The following PTPRD variants were observed in gnomAD, a reference collection of about 807,000 sequenced individuals.
PTPRD encodes the protein receptor-type tyrosine-protein phosphatase delta.
Under a neutral mutation model 214.5 loss-of-function variants are expected in PTPRD, and 34 were observed. The ratio of observed to expected loss-of-function variants is 0.16; its 90% CI spans 0.12 to 0.21. The LOEUF is 0.21. Ranked by LOEUF, PTPRD falls within the 10% of genes least tolerant of loss-of-function variation. PTPRD has a pLI of 1.00. For missense variants in PTPRD, 2,545 were observed against 2,398.7 expected (o/e 1.06, Z -1.27); for synonymous variants, 1,128 against 845.7 (o/e 1.33, Z -5.79).
intron 5 of PTPRD, among the ~76,000 whole-genome samples, chr9:9,932,014 G>T (rs142374007): frequency 3.0e-4 from 45 of 152,024 alleles, no homozygotes; most frequent in Admixed American, 1.3e-3. Context: ...GCAGCTGAGG[G>T]TCCTGTCTGT....
chr9:10,130,331 T>G (rs1315581524), intron 3 of PTPRD, among the ~76,000 whole-genome samples: 2 of 152,172 alleles, frequency 1.3e-5, no homozygotes, highest in Admixed American at 1.3e-4. Context: ...TACCATTTTT[T>G]TCTGTTCCTT....
At chr9:10,560,718 C>T (rs910318424) in intron 2 of PTPRD, among the ~76,000 whole-genome samples, 10 of 152,124 alleles carry the variant, frequency 6.6e-5, no homozygotes, top group East Asian at 1.9e-4. Flanking sequence ...CTGTACCAGT[C>T]GCAGTAAACC....
chr9:9,701,887 G>A (rs1442081738), intron 7 of PTPRD, among the ~76,000 whole-genome samples: 1 of 152,148 alleles, frequency 6.6e-6, no homozygotes, highest in South Asian at 2.1e-4. Context: ...GGGAGGCCGA[G>A]GCGGGTGGAC....
At position 10,242,875 on chromosome 9, in the gene PTPRD, C is replaced by T. The variant is rs572277030; in HGVS notation, c.-545+98088G>A. On this transcript the variant is annotated intron_variant, in intron 3 of 45. Coordinates refer to ENST00000381196, the MANE Select transcript of PTPRD (RefSeq NM_002839.4). ...AAATTTGATGTAACGTATCATTGTTCCAGCAGAAAATGAAAATTGCTGGAG... is the reference window on the plus strand; with the variant it reads ...AAATTTGATGTAACGTATCATTGTTTCAGCAGAAAATGAAAATTGCTGGAG... Among the ~76,000 whole-genome samples, 357 of 150,186 alleles carry T rather than the reference C, an allele frequency of 2.4e-3. 1 individual carries two copies. The highest frequency in any genetic ancestry group is 8.2e-3 in the African/African-American group (337 of 40,868).
intron 9 of PTPRD, among the ~76,000 whole-genome samples, chr9:9,348,306 G>A (rs1446328543): frequency 1.3e-5 from 2 of 152,056 alleles, no homozygotes; most frequent in African/African-American, 4.8e-5. Flanking sequence ...TGAAAGTTGT[G>A]ACTAGAAAAT....
intron 8 of PTPRD, among the ~76,000 whole-genome samples, chr9:9,545,086 C>G (rs1026319768): frequency 2.6e-5 from 4 of 151,562 alleles, no homozygotes; most frequent in Admixed American, 6.6e-5. Flanking sequence ...GCCCCCATTA[C>G]CAACATCCCC....
chr9:8,874,227 G>A (rs144011375), intron 11 of PTPRD, among the ~76,000 whole-genome samples: 4 of 152,268 alleles, frequency 2.6e-5, no homozygotes, highest in South Asian at 4.1e-4. Context: ...CCCATAACTT[G>A]CATGGTGACT....
intron 3 of PTPRD, among the ~76,000 whole-genome samples, chr9:10,129,791 T>C (rs1468950602): frequency 1.3e-5 from 2 of 152,104 alleles, no homozygotes; most frequent in Non-Finnish European, 2.9e-5. Context: ...ATTTGCTAAA[T>C]TGGCTGACTT....
rs1016555645 is a variant in PTPRD, at chr9:8,567,417, T to G, written c.353-38638A>C. Among the ~76,000 whole-genome samples, 31 of 152,292 alleles carry G rather than the reference T, an allele frequency of 2.0e-4. 1 individual carries two copies. The highest frequency in any genetic ancestry group is 2.0e-3 in the Admixed American group (31 of 15,288). ...TGAGTAAGGTGTTGTTAACGTGTCC[T>G]ACTCACCTGCTTCCATAGTACCATG... On this transcript the variant is annotated intron_variant, in intron 14 of 45. Coordinates refer to ENST00000381196, the MANE Select transcript of PTPRD (RefSeq NM_002839.4).
At chr9:10,121,277 G>A (rs1489663123) in intron 3 of PTPRD, among the ~76,000 whole-genome samples, 1 of 152,036 alleles carries the variant, frequency 6.6e-6, no homozygotes, top group Non-Finnish European at 1.5e-5. Context: ...TGGTAGCATG[G>A]ATAATCCTAA....
intron 3 of PTPRD, among the ~76,000 whole-genome samples, chr9:10,312,062 G>A (rs1237029073): frequency 6.6e-6 from 1 of 151,882 alleles, no homozygotes; most frequent in Non-Finnish European, 1.5e-5. Context: ...TCACCTTTGA[G>A]AGTTGTGGCT....
intron 11 of PTPRD, among the ~76,000 whole-genome samples, chr9:8,909,599 C>G (rs1417813054): frequency 6.6e-6 from 1 of 152,032 alleles, no homozygotes; most frequent in South Asian, 2.1e-4. Flanking sequence ...TTTCATCAAC[C>G]TGAAACAGGA....
intron 7 of PTPRD, among the ~76,000 whole-genome samples, chr9:9,711,666 G>C (rs535453279): frequency 6.6e-6 from 1 of 152,238 alleles, no homozygotes; most frequent in Non-Finnish European, 1.5e-5. Context: ...AAGGTCAACA[G>C]ACACTTTTGA....
At chr9:9,182,056 G>T (rs946246153) in intron 10 of PTPRD, among the ~76,000 whole-genome samples, 4 of 152,024 alleles carry the variant, frequency 2.6e-5, no homozygotes, top group African/African-American at 4.8e-5. Context: ...TTGACTGGGG[G>T]TATCCAAGAA....
chr9:9,061,077 C>G (rs1030277939), intron 10 of PTPRD, among the ~76,000 whole-genome samples: 18 of 152,108 alleles, frequency 1.2e-4, no homozygotes, highest in African/African-American at 3.6e-4. Context: ...GCCTTTAGGA[C>G]AGCGGTTACT....
At chr9:10,504,553 A>G (rs555035478) in intron 2 of PTPRD, among the ~76,000 whole-genome samples, 70 of 152,302 alleles carry the variant, frequency 4.6e-4, no homozygotes, top group African/African-American at 1.7e-3. Flanking sequence ...ATATCAATTC[A>G]GAGTGTAACA....
At chr9:9,219,005 G>T (rs1275751303) in intron 9 of PTPRD, among the ~76,000 whole-genome samples, 1 of 152,108 alleles carries the variant, frequency 6.6e-6, no homozygotes, top group Non-Finnish European at 1.5e-5. Context: ...ATACTACAAG[G>T]AAAGGAAGGG....
At chr9:8,941,237 G>C (rs1275729287) in intron 11 of PTPRD, among the ~76,000 whole-genome samples, 1 of 152,016 alleles carries the variant, frequency 6.6e-6, no homozygotes, top group Non-Finnish European at 1.5e-5. Flanking sequence ...AAATCAATAA[G>C]GAAGCATTTA....
At chr9:10,031,960 G>C (rs1464220454) in intron 4 of PTPRD, among the ~76,000 whole-genome samples, 1 of 152,022 alleles carries the variant, frequency 6.6e-6, no homozygotes, top group Non-Finnish European at 1.5e-5. Flanking sequence ...CAGGAATTAG[G>C]AATGCTTTCA....
Sources: allele counts gnomAD v4.1 joint callset (sites outside exome capture counted in the v4.1 genomes callset), GRCh38; gene constraint gnomAD v4.1.1; transcripts MANE v1.5; gene names NCBI Gene and HGNC (gene_info 2026-07-23, HGNC 2026-07-21).